Variants in FAM222B observed in about 807,000 individuals in gnomAD.
FAM222B encodes family with sequence similarity 222 member B, also known as protein FAM222B.
FAM222B carries 12 observed loss-of-function variants against 38.0 expected under a neutral mutation model. The observed-to-expected ratio is 0.32, with a 90% CI of 0.20 to 0.51. The LOEUF (loss-of-function observed/expected upper bound fraction) is 0.51. Ranked by LOEUF, FAM222B falls within the 20% of genes least tolerant of loss-of-function variation. The probability of loss-of-function intolerance (pLI) is 0.97; values close to 1 mark genes in which losing one functional copy is unlikely to be tolerated. For synonymous variants in FAM222B, 329 were observed against 317.2 expected (o/e 1.04, Z -0.40); for missense variants, 716 against 754.2 (o/e 0.95, Z 0.59).
chr17:28,814,654 A>G (rs1237903436), intron 1 of FAM222B, among the ~76,000 whole-genome samples: 1 of 151,714 alleles, frequency 6.6e-6, no homozygotes, highest in East Asian at 1.9e-4. Flanking sequence ...TTTACTCGAG[A>G]CGGGGTTTCG....
chr17:28,792,140 T>A (rs1375251597), intron 1 of FAM222B, among the ~76,000 whole-genome samples: 2 of 150,380 alleles, frequency 1.3e-5, no homozygotes, highest in African/African-American at 4.9e-5. Flanking sequence ...TGAAACCCCG[T>A]CTCTACTAAA....
intron 1 of FAM222B, among the ~76,000 whole-genome samples, chr17:28,784,749 G>A (rs1427689477): frequency 3.3e-5 from 5 of 152,010 alleles, no homozygotes; most frequent in Non-Finnish European, 1.5e-5. Context: ...AGAATTGCTT[G>A]AACCCAGGAG....
At chr17:28,771,256 C>T (rs1015682575) in intron 1 of FAM222B, among the ~76,000 whole-genome samples, 7 of 151,866 alleles carry the variant, frequency 4.6e-5, no homozygotes, top group Admixed American at 1.3e-4. Context: ...TTTTGGAAGC[C>T]GATACACACC....
At chr17:28,790,883 A>AAATTTTTT (rs1567838640) in intron 1 of FAM222B, among the ~76,000 whole-genome samples, 4 of 8,904 alleles carry the variant, frequency 4.5e-4, no homozygotes, top group African/African-American at 2.2e-3. Flanking sequence ...AAATTGTTTC[A>AAATTTTTT]CTTTTTTTTT....
Position 28,759,446 on chromosome 17 carries a change from C to T in FAM222B, c.513G>A (p.Thr171=), listed in dbSNP as rs566306998. 19 of 1,552,564 alleles carry T rather than the reference C, an allele frequency of 1.2e-5. No homozygotes were observed. In the Admixed American group the frequency reaches 1.6e-4, roughly 13 times the overall value. The part of the protein sequence containing the change: ...AQTLAHAPPQ[T]LQHPQGIPPP... ...GCGGGATACCCTGAGGGTGCTGCAG[C>T]GTCTGGGGAGGGGCATGGGCCAGGG... Residue 171 remains threonine, a synonymous_variant, in exon 3 of 3, where the codon ACG becomes ACA. Coordinates refer to ENST00000581407, the MANE Select transcript of FAM222B (RefSeq NM_001077498.3). The surrounding 1 kb of genome is among the most constrained non-coding windows in gnomAD (Gnocchi z 4.8).
At chr17:28,804,260 C>G (rs2151909013) in intron 1 of FAM222B, among the ~76,000 whole-genome samples, 1 of 152,196 alleles carries the variant, frequency 6.6e-6, no homozygotes, top group Admixed American at 6.5e-5. Context: ...TCTCAGCCTC[C>G]ATAACTAAAT....
rs371567822 is a variant in FAM222B, at chr17:28,792,189, G to A, written c.-40-25482C>T. ...TAGCTGGGCGTGATGGCAGGCGCCT[G>A]TAGTCCTAGCTACTTAGGAGGCTGA... On this transcript the variant is annotated intron_variant, in intron 1 of 2. Coordinates refer to ENST00000581407, the MANE Select transcript of FAM222B (RefSeq NM_001077498.3). Among the ~76,000 whole-genome samples the A allele has an allele frequency of 3.2e-3, 489 of 151,818 alleles. 2 individuals carry two copies. The highest frequency in any genetic ancestry group is 0.011 in the African/African-American group (470 of 41,456).
intron 1 of FAM222B, 68 bp from the exon 2 acceptor site, chr17:28,766,775 G>A (rs1446518626): frequency 2.3e-6 from 2 of 873,928 alleles, no homozygotes; most frequent in East Asian, 2.7e-5. Context: ...TAGGAACACT[G>A]GATATGACTG....
intron 1 of FAM222B, among the ~76,000 whole-genome samples, chr17:28,833,612 CAAAAAAAAA>C (rs370065990): frequency 1.2e-4 from 9 of 73,206 alleles, no homozygotes; most frequent in African/African-American, 4.2e-4. Context: ...GACTTTGTCT[CAAAAAAAAA>C]AAAAAAAAAA....
At chr17:28,789,079 C>CA (rs397857027) in intron 1 of FAM222B, among the ~76,000 whole-genome samples, 3,781 of 62,028 alleles carry the variant, frequency 0.061, 90 homozygotes, top group Middle Eastern at 0.11. Flanking sequence ...AAAGATACCT[C>CA]AAAAAAAAAA....
At chr17:28,804,208 C>G (rs1431929635) in intron 1 of FAM222B, among the ~76,000 whole-genome samples, 1 of 152,078 alleles carries the variant, frequency 6.6e-6, no homozygotes, top group East Asian at 1.9e-4. Flanking sequence ...ACACCACCAG[C>G]TTTCCTGGTT....
At chr17:28,793,814 G>A (rs931688536) in intron 1 of FAM222B, among the ~76,000 whole-genome samples, 6 of 148,592 alleles carry the variant, frequency 4.0e-5, no homozygotes, top group African/African-American at 1.5e-4. Flanking sequence ...GGTGCGATAC[G>A]GGCTCACTGC....
At chr17:28,826,917 GA>G (rs1659260916) in intron 1 of FAM222B, among the ~76,000 whole-genome samples, 1 of 152,120 alleles carries the variant, frequency 6.6e-6, no homozygotes, top group Non-Finnish European at 1.5e-5. Context: ...GAGGTGGGAA[GA>G]TCACTTGAGG....
intron 1 of FAM222B, among the ~76,000 whole-genome samples, chr17:28,796,252 G>A (rs1408559801): frequency 6.6e-6 from 1 of 152,254 alleles, no homozygotes; most frequent in Non-Finnish European, 1.5e-5. Context: ...GAGGGAAGCT[G>A]TAACTGGCAA....
intron 1 of FAM222B, among the ~76,000 whole-genome samples, chr17:28,824,777 A>G (rs1442667775): frequency 6.6e-6 from 1 of 152,084 alleles, no homozygotes; most frequent in African/African-American, 2.4e-5. Context: ...TTCCTTCTAC[A>G]ACCCATTTCT....
chr17:28,764,933 G>A (rs10512430), intron 2 of FAM222B, among the ~76,000 whole-genome samples: 3,503 of 152,120 alleles, frequency 0.023, 137 homozygotes, highest in African/African-American at 0.079. Context: ...CTCTAAGTAC[G>A]TTCCCTCTCC....
At chr17:28,843,172 CTTG>C (rs2039105257), upstream of FAM222B, among the ~76,000 whole-genome samples, 1 of 147,262 alleles carries the variant, frequency 6.8e-6, no homozygotes, top group African/African-American at 2.5e-5. Context: ...AAGTTTCGCT[CTTG>C]TTGTCCAGGT....
chr17:28,816,775 T>G (rs2038041818), intron 1 of FAM222B, among the ~76,000 whole-genome samples: 1 of 152,160 alleles, frequency 6.6e-6, no homozygotes, highest in Admixed American at 6.6e-5. Context: ...TGATAAAACC[T>G]TTATTGTTCA....
intron 1 of FAM222B, among the ~76,000 whole-genome samples, chr17:28,801,715 C>T (rs1471212661): frequency 6.6e-6 from 1 of 151,972 alleles, no homozygotes; most frequent in Admixed American, 6.6e-5. Context: ...GGACTTTTCC[C>T]TCCTAATTTA....
Sources: gnomAD v4.1 joint callset for allele counts (sites outside exome capture counted in the v4.1 genomes callset) on GRCh38, gnomAD v4.1.1 for gene constraint, Gnocchi (gnomAD v3.1) non-coding constraint, MANE v1.5 for transcripts, NCBI Gene and HGNC (gene_info 2026-07-23, HGNC 2026-07-21) for gene names.